Variants in IL17REL observed in about 807,000 individuals in gnomAD.
IL17REL encodes the protein interleukin 17 receptor E like, also known as interleukin-17 receptor E-like protein.
Under a neutral mutation model 49.0 loss-of-function variants are expected in IL17REL, and 36 were observed. The observed-to-expected ratio is 0.73, with a 90% CI of 0.56 to 0.97. IL17REL has a LOEUF of 0.97. Among genes scored for constraint, IL17REL ranks in the 50% least tolerant of loss-of-function variants. IL17REL has a pLI of 0.00. For synonymous variants in IL17REL, 206 were observed against 192.4 expected, an observed-to-expected ratio of 1.07 and a Z score of -0.58; for missense variants, 470 against 453.9, an observed-to-expected ratio of 1.04 and a Z score of -0.32.
At chr22:50,007,806 T>C (rs527626236) in intron 1 of IL17REL, among the ~76,000 whole-genome samples, 12 of 152,034 alleles carry the variant, frequency 7.9e-5, no homozygotes, top group African/African-American at 2.9e-4. Flanking sequence ...GAAGAAACAT[T>C]TAAGTAAAGT....
chr22:50,001,918 C>T (rs1431347010), intron 1 of IL17REL, among the ~76,000 whole-genome samples: 2 of 152,248 alleles, frequency 1.3e-5, no homozygotes, highest in African/African-American at 4.8e-5. Context: ...GCCACCGAGG[C>T]GTGGGACCCA....
exon 2 of IL17REL, chr22:50,001,130 C>T: frequency 6.2e-7 from 1 of 1,605,988 alleles, no homozygotes; most frequent in Middle Eastern, 1.7e-4. Flanking sequence ...GCGCAGCCGT[C>T]AGAGGGGACA....
intron 1 of IL17REL, among the ~76,000 whole-genome samples, chr22:50,004,598 C>G (rs1337236702): frequency 6.6e-6 from 1 of 151,962 alleles, no homozygotes; most frequent in African/African-American, 2.4e-5. Context: ...GCCAACAACT[C>G]CCCTTTAATC....
At chr22:50,004,829 A>G (rs137851) in intron 1 of IL17REL, among the ~76,000 whole-genome samples, 149,762 of 150,360 alleles carry the variant, frequency 1, 74,586 homozygotes, top group Middle Eastern at 1. Flanking sequence ...TCCAGCCTGG[A>G]TGACAGAGCA....
chr22:50,008,645 T>TG (rs964697951), exon 1 of IL17REL: 3 of 152,368 alleles, frequency 2.0e-5, no homozygotes, highest in African/African-American at 7.2e-5. Context: ...ACGGTTCCTG[T>TG]GGCTCCTGCA....
chr22:50,001,208 G>A lies in IL17REL; in HGVS notation c.-18C>T, dbSNP rs183335849. ...CTGGACATGGACACGGGGCGTGGCC[G>A]GCAGAAGCTGTTAAAAATGTTCCCT... On this transcript the variant is annotated 5_prime_UTR_variant, in exon 2 of 13. Transcript: ENST00000341280. 4.6e-5 allele frequency: 69 copies of A among 1,496,270 alleles called. No individual in the cohort carries two copies. In the East Asian group the frequency reaches 1.1e-3, roughly 24 times the overall value. 92.7% of individuals were successfully genotyped at this position (1,496,270 alleles called of 1,614,324 possible). A position where few individuals can be genotyped will look rare whatever the true frequency, so the allele number is the denominator to read the frequency against.
Position 49,996,950 on chromosome 22 carries a change from A to G in IL17REL, c.*44+44T>C, listed in dbSNP as rs2061038825. ...GGGGGGGTGTGAACTGAGGTCCTGC[A>G]GTGGAGGAGATGGCTAGGGGCTGGG... On this transcript the variant is annotated intron_variant, in intron 12 of 12. Transcript: ENST00000341280. The G allele has an allele frequency of 4.0e-6, 4 of 992,440 alleles. No individual in the cohort carries two copies. In the South Asian group the frequency reaches 5.0e-5, roughly 12 times the overall value. 61.5% of individuals were successfully genotyped at this position (992,440 alleles called of 1,614,324 possible). A position where few individuals can be genotyped will look rare whatever the true frequency, so the allele number is the denominator to read the frequency against.
In IL17REL at chr22:50,005,940, G is replaced by GA. The variant is rs2061107585; in HGVS notation, c.-42+2696dup. ...GCTGAAAAGTACCAATTGGGCTGGA[G>GA]AAAAAAACATATGTTTTTTTAAAAA... On this transcript the variant is annotated intron_variant, in intron 1 of 12. Transcript: ENST00000341280. 7.9e-5 allele frequency among the ~76,000 whole-genome samples: 12 copies of GA among 152,158 alleles called. 1 individual carries two copies. In the South Asian group the frequency reaches 1.7e-3, roughly 21 times the overall value.
intron 1 of IL17REL, among the ~76,000 whole-genome samples, chr22:50,008,402 G>A (rs564973871): frequency 2.7e-4 from 41 of 152,344 alleles, no homozygotes; most frequent in Admixed American, 5.9e-4. Flanking sequence ...AAGTGGAGAC[G>A]TGGGACTCTC....
chr22:50,009,463 G>A (rs890512780), upstream of IL17REL, among the ~76,000 whole-genome samples: 4 of 152,178 alleles, frequency 2.6e-5, no homozygotes, highest in African/African-American at 4.8e-5. Flanking sequence ...GCTGAGGTCC[G>A]AGAGCACAGG....
chr22:49,997,136 C>T, intron 11 of IL17REL, 62 bp from the exon 14 acceptor site: 2 of 1,481,968 alleles, frequency 1.3e-6, no homozygotes, highest in Non-Finnish European at 1.8e-6. Context: ...TAAACACTGT[C>T]CTTCTCCCAC....
chr22:49,998,082 G>A lies in IL17REL; in HGVS notation c.775-13C>T. On this transcript the variant is annotated splice_polypyrimidine_tract_variant and intron_variant, in intron 8 of 12. Coordinates refer to ENST00000341280, the Ensembl canonical transcript of IL17REL. The stretch of plus-strand genomic sequence containing the variant: ...GCGGGTACTGCACCTGAGGAGGGCT[G>A]GGGTCAGGCTGTGGCATCCATGCCC... 6.3e-7 allele frequency: 1 copy of A among 1,593,104 alleles called. No individual in the cohort carries two copies.
chr22:49,997,614 G>A (rs2061044917), intron 10 of IL17REL, 71 bp downstream of exon 12: 2 of 1,516,174 alleles, frequency 1.3e-6, no homozygotes, highest in South Asian at 1.1e-5. Context: ...CCACCTCCCT[G>A]ACCAGCACAG....
chr22:50,006,023 G>C (rs1213659315), intron 1 of IL17REL, among the ~76,000 whole-genome samples: 1 of 151,974 alleles, frequency 6.6e-6, no homozygotes, highest in Non-Finnish European at 1.5e-5. Context: ...GCTGAGGAAA[G>C]CAGGGCGTAG....
chr22:50,010,141 T>A (rs2061131110), upstream of IL17REL, among the ~76,000 whole-genome samples: 1 of 152,202 alleles, frequency 6.6e-6, no homozygotes, highest in South Asian at 2.1e-4. Context: ...GAGACTGCCG[T>A]GAGTGACCCT....
chr22:49,993,661 C>T (rs1179778932), downstream of IL17REL, among the ~76,000 whole-genome samples: 1 of 152,128 alleles, frequency 6.6e-6, no homozygotes, highest in African/African-American at 2.4e-5. The surrounding 1 kb of genome is among the most constrained non-coding windows in gnomAD (Gnocchi z 6.0). Context: ...CTCAGTTTCC[C>T]CCATCTGCAG....
chr22:49,993,324 G>A (rs2061015365), downstream of IL17REL, among the ~76,000 whole-genome samples: 1 of 152,202 alleles, frequency 6.6e-6, no homozygotes, highest in African/African-American at 2.4e-5. This position sits in a 1 kb window ranked among gnomAD's most constrained non-coding sequence, Gnocchi z 6.0. Context: ...GTGCACCCCA[G>A]TACAGGTGCT....
rs2061039911 is a variant in IL17REL at position 49,997,082 on chromosome 22, G to C, written c.975-8C>G. On this transcript the variant is annotated splice_polypyrimidine_tract_variant and splice_region_variant and intron_variant, in intron 11 of 12. Coordinates refer to ENST00000341280, the Ensembl canonical transcript of IL17REL. The stretch of plus-strand genomic sequence containing the variant: ...GGCGGCTGCCAGGTCACCCTGGGTG[G>C]GGGAGGGCAGGTCACAGGCAATGGG... 20 of 1,570,868 alleles carry C rather than the reference G, an allele frequency of 1.3e-5. No homozygotes were observed. The highest frequency in any genetic ancestry group is 1.7e-5 in the Non-Finnish European group (20 of 1,163,000).
chr22:50,000,848 A>G, exon 3 of IL17REL: 1 of 1,569,222 alleles, frequency 6.4e-7, no homozygotes, highest in Non-Finnish European at 8.6e-7. Flanking sequence ...ACAGGCCTCC[A>G]GGCCCCGCAG....
Sources: gnomAD v4.1 joint callset for allele counts (sites outside exome capture counted in the v4.1 genomes callset) on GRCh38, gnomAD v4.1.1 for gene constraint, Gnocchi (gnomAD v3.1) non-coding constraint, MANE v1.5 for transcripts, NCBI Gene and HGNC (gene_info 2026-07-23, HGNC 2026-07-21) for gene names.